Variants in BRINP3 observed in about 807,000 individuals in gnomAD.
The protein encoded by BRINP3 is BMP/retinoic acid inducible neural specific 3.
In BRINP3, 19 loss-of-function variants were observed where a neutral mutation model predicts 71.0. That is an observed-to-expected ratio of 0.27 (90% confidence interval 0.19 to 0.39). The LOEUF (loss-of-function observed/expected upper bound fraction) is 0.39, where lower values mean the gene tolerates loss of function less well. Among genes scored for constraint, BRINP3 ranks in the 10% least tolerant of loss-of-function variants. The pLI is 1.00. For synonymous variants in BRINP3, 380 were observed against 337.7 expected (o/e 1.13, Z -1.37); for missense variants, 959 against 940.8 (o/e 1.02, Z -0.25).
At chr1:190,123,664 TATTG>T (rs983871288) in intron 7 of BRINP3, among the ~76,000 whole-genome samples, 3 of 152,292 alleles carry the variant, frequency 2.0e-5, no homozygotes, top group Admixed American at 6.5e-5. Context: ...TTAATTAGAA[TATTG>T]ATTGTTTTCT....
chr1:190,327,185 G>C (rs1666637327), intron 2 of BRINP3, among the ~76,000 whole-genome samples: 1 of 150,574 alleles, frequency 6.6e-6, no homozygotes, highest in African/African-American at 2.4e-5. Context: ...CGTTTTGTTG[G>C]GCACCTGTAA....
chr1:190,468,299 C>T (rs1028091514), intron 1 of BRINP3, among the ~76,000 whole-genome samples: 1 of 151,158 alleles, frequency 6.6e-6, no homozygotes, highest in African/African-American at 2.4e-5. Context: ...TAATCAAACA[C>T]TTATTATTGG....
chr1:190,461,041 C>T (rs942081119), intron 1 of BRINP3, among the ~76,000 whole-genome samples: 4 of 152,318 alleles, frequency 2.6e-5, no homozygotes, highest in African/African-American at 9.6e-5. Context: ...CTTTTTACTA[C>T]AGTCAGAGTG....
intron 1 of BRINP3, among the ~76,000 whole-genome samples, chr1:190,464,720 A>C (rs753908567): frequency 6.6e-6 from 1 of 151,698 alleles, no homozygotes; most frequent in Admixed American, 6.6e-5. Context: ...ATTCTTTTTT[A>C]TTTCTTTCTC....
Position 190,263,967 on chromosome 1 carries a change from A to G in BRINP3, c.618+898T>C, listed in dbSNP as rs565071209. 9.2e-5 allele frequency among the ~76,000 whole-genome samples: 14 copies of G among 152,226 alleles called. No homozygotes were observed. In the South Asian group the frequency reaches 2.9e-3, roughly 32 times the overall value. On this transcript the variant is annotated intron_variant, in intron 4 of 7. Transcript: ENST00000367462. ...AAGTAATACAACGTTACATTTAATC[A>G]TTCCTTTTTGTATTGACTATGAAAG...
At chr1:190,296,407 G>GA (rs1458599092) in intron 2 of BRINP3, among the ~76,000 whole-genome samples, 3 of 151,902 alleles carry the variant, frequency 2.0e-5, no homozygotes, top group East Asian at 1.9e-4. Flanking sequence ...ATTAGGTATA[G>GA]AAAAAATGTA....
At chr1:190,162,688 T>G (rs1027403515) in intron 6 of BRINP3, among the ~76,000 whole-genome samples, 1 of 152,164 alleles carries the variant, frequency 6.6e-6, no homozygotes, top group African/African-American at 2.4e-5. Flanking sequence ...CATTGTTTGT[T>G]ATAATAGTAT....
At chr1:190,294,454 G>T (rs1203580753) in intron 2 of BRINP3, among the ~76,000 whole-genome samples, 1 of 151,760 alleles carries the variant, frequency 6.6e-6, no homozygotes, top group Non-Finnish European at 1.5e-5. Context: ...GTCTCACTTT[G>T]TTGCCCATGC....
chr1:190,204,802 G>A (rs972211188), intron 6 of BRINP3, among the ~76,000 whole-genome samples: 1 of 151,888 alleles, frequency 6.6e-6, no homozygotes, highest in African/African-American at 2.4e-5. Context: ...ATATAAAATG[G>A]TTCAATATAG....
chr1:190,168,018 A>G (rs1651706457), intron 6 of BRINP3, among the ~76,000 whole-genome samples: 1 of 152,108 alleles, frequency 6.6e-6, no homozygotes, highest in Non-Finnish European at 1.5e-5. Context: ...ATGAATATAT[A>G]ATTACCCTCT....
chr1:190,231,565 G>T (rs1439004631), intron 5 of BRINP3, among the ~76,000 whole-genome samples: 1 of 151,628 alleles, frequency 6.6e-6, no homozygotes, highest in Non-Finnish European at 1.5e-5. Context: ...CTTTCACTCA[G>T]AGGCACCTTG....
chr1:190,281,874 C>T, intron 2 of BRINP3, 124 bp from the exon 3 acceptor site: 1 of 785,798 alleles, frequency 1.3e-6, no homozygotes, highest in Non-Finnish European at 2.0e-6. Context: ...AGGTTGTGTG[C>T]TATGAGTAGG....
intron 2 of BRINP3, 81 bp downstream of exon 2, chr1:190,454,574 G>T: frequency 1.7e-6 from 2 of 1,167,926 alleles, no homozygotes; most frequent in South Asian, 1.5e-5. Context: ...TTTCCCGTCT[G>T]AAACTTTCCC....
chr1:190,358,855 T>C (rs1050066815), intron 2 of BRINP3, among the ~76,000 whole-genome samples: 7 of 152,144 alleles, frequency 4.6e-5, no homozygotes, highest in Non-Finnish European at 8.8e-5. Context: ...GTTCATGTCC[T>C]TTGCAGGGAC....
At chr1:190,269,823 A>T (rs1661954064) in intron 3 of BRINP3, among the ~76,000 whole-genome samples, 1 of 152,052 alleles carries the variant, frequency 6.6e-6, no homozygotes, top group African/African-American at 2.4e-5. Context: ...AAAATGATAC[A>T]ACTTACATAC....
chr1:190,158,482 G>T (rs886262952), intron 7 of BRINP3, among the ~76,000 whole-genome samples: 19 of 152,016 alleles, frequency 1.2e-4, no homozygotes, highest in African/African-American at 4.6e-4. Flanking sequence ...AAAGTGAGGG[G>T]GCCAATTATT....
intron 6 of BRINP3, among the ~76,000 whole-genome samples, chr1:190,201,274 A>G (rs1654982096): frequency 2.6e-5 from 4 of 152,160 alleles, no homozygotes; most frequent in Middle Eastern, 3.2e-3. Flanking sequence ...CCCCTGCCCT[A>G]GAGATTTTGA....
chr1:190,158,704 A>G (rs1373472346), intron 7 of BRINP3, among the ~76,000 whole-genome samples: 3 of 152,058 alleles, frequency 2.0e-5, no homozygotes, highest in East Asian at 3.9e-4. Flanking sequence ...AACCAGAAAA[A>G]GAAAATGACA....
intron 2 of BRINP3, among the ~76,000 whole-genome samples, chr1:190,329,918 A>T (rs1345235288): frequency 6.6e-6 from 1 of 152,038 alleles, no homozygotes; most frequent in Non-Finnish European, 1.5e-5. Context: ...TGGTGCTGGG[A>T]CACCTGGCTA....
Sources: gnomAD v4.1 joint callset for allele counts (sites outside exome capture counted in the v4.1 genomes callset) on GRCh38, gnomAD v4.1.1 for gene constraint, MANE v1.5 for transcripts, NCBI Gene and HGNC (gene_info 2026-07-23, HGNC 2026-07-21) for gene names.